The following GABPA variants were observed in gnomAD, a reference collection of about 807,000 sequenced individuals.
GABPA encodes the protein GA-binding protein alpha chain.
A neutral mutation model predicts 59.4 loss-of-function variants in GABPA; 4 were observed. The observed-to-expected ratio is 0.07, with a 90% CI of 0.03 to 0.15. The LOEUF (loss-of-function observed/expected upper bound fraction) is 0.15, where lower values mean the gene tolerates loss of function less well. Among genes scored for constraint, GABPA ranks in the 10% least tolerant of loss-of-function variants. The pLI, the probability that GABPA is intolerant of heterozygous loss-of-function variation, is 1.00. For synonymous variants in GABPA, 164 were observed against 183.1 expected, an observed-to-expected ratio of 0.90 and a Z score of 0.84; for missense variants, 251 against 543.8, an observed-to-expected ratio of 0.46 and a Z score of 5.36.
In GABPA at chr21:25,764,198, C is replaced by CTG; in HGVS notation, c.803-10_803-9dup. The CTG allele has an allele frequency of 1.3e-6, 2 of 1,529,618 alleles. No homozygotes were observed. The highest frequency in any genetic ancestry group is 1.8e-6 in the Non-Finnish European group (2 of 1,142,752). The allele number at this position is 1,529,618 out of a possible 1,614,324, so 94.8% of individuals were successfully genotyped here. A position where few individuals can be genotyped will look rare whatever the true frequency, so the allele number is the denominator to read the frequency against. On this transcript the variant is annotated splice_polypyrimidine_tract_variant and intron_variant, in intron 7 of 9. Coordinates refer to ENST00000400075, the MANE Select transcript of GABPA (RefSeq NM_002040.4). The stretch of plus-strand genomic sequence containing the variant: ...TGGAAGAAAAAAAATTTCTCCTTGT[C>CTG]TGTCTTTGCAGCTGTGCAAATTATT...
At chr21:25,752,753 C>T (rs13339991) in intron 5 of GABPA, among the ~76,000 whole-genome samples, 6,389 of 152,174 alleles carry the variant, frequency 0.042, 421 homozygotes, top group African/African-American at 0.14. Flanking sequence ...CATTACAGAA[C>T]TGTTTTTGAT....
intron 4 of GABPA, among the ~76,000 whole-genome samples, chr21:25,751,168 T>C (rs2035499952): frequency 6.6e-6 from 1 of 152,038 alleles, no homozygotes; most frequent in African/African-American, 2.4e-5. Flanking sequence ...AATAAAAGTA[T>C]ATCTTATAGA....
rs765587441 is a variant in GABPA at position 25,767,790 on chromosome 21, C to G, written c.1137-1214C>G. 5.3e-5 allele frequency among the ~76,000 whole-genome samples: 8 copies of G among 152,162 alleles called. No individual in the cohort carries two copies. In the South Asian group the frequency reaches 1.7e-3, roughly 32 times the overall value. On this transcript the variant is annotated intron_variant, in intron 9 of 9. Transcript: ENST00000400075. ...CATAAATGGAAACTACAAGACTGCCCAATGTGTTATATCTCTTACTGGGAA... is the reference window on the plus strand; with the variant it reads ...CATAAATGGAAACTACAAGACTGCCGAATGTGTTATATCTCTTACTGGGAA...
chr21:25,756,258 G>T (rs2035634114), intron 5 of GABPA, among the ~76,000 whole-genome samples: 1 of 152,212 alleles, frequency 6.6e-6, no homozygotes, highest in Admixed American at 6.5e-5. Context: ...GTGTGTTTCA[G>T]GATAGCTTTT....
chr21:25,736,019 C>T (rs935243119), intron 1 of GABPA, among the ~76,000 whole-genome samples: 4 of 152,118 alleles, frequency 2.6e-5, no homozygotes, highest in Admixed American at 1.3e-4. Flanking sequence ...CATTTCAAAT[C>T]CGCTCTCTTT....
intron 3 of GABPA, among the ~76,000 whole-genome samples, chr21:25,748,048 AG>A (rs1437790863): frequency 3.9e-5 from 6 of 152,150 alleles, no homozygotes; most frequent in Non-Finnish European, 5.9e-5. Context: ...CTGGGATTAC[AG>A]GCATGCGCCA....
chr21:25,754,048 C>T (rs2035576770), intron 5 of GABPA, among the ~76,000 whole-genome samples: 1 of 152,162 alleles, frequency 6.6e-6, no homozygotes, highest in Non-Finnish European at 1.5e-5. Context: ...CTGCCCAGTA[C>T]TGTAGCCACT....
rs533110091 is a variant in GABPA at position 25,770,483 on chromosome 21, C to T, written c.*1251C>T. 6.6e-6 allele frequency: 1 copy of T among 151,834 alleles called. No individual in the cohort carries two copies. Among genetic ancestry groups the T allele is most frequent in the Non-Finnish European group, 1.5e-5 (1 of 67,858 alleles). 9.4% of individuals were successfully genotyped at this position (151,834 alleles called of 1,614,324 possible). A position where few individuals can be genotyped will look rare whatever the true frequency, so the allele number is the denominator to read the frequency against. On this transcript the variant is annotated 3_prime_UTR_variant, in exon 10 of 10. Transcript: ENST00000400075. ...ACTAAACAAAAATGGCTAGAAATGT[C>T]TTTTTCTTTCTTTTCTCTCTTTGTT...
At chr21:25,752,359 A>G (rs1326985021) in intron 5 of GABPA, 125 bp downstream of exon 5, 2 of 1,009,018 alleles carry the variant, frequency 2.0e-6, no homozygotes, top group Non-Finnish European at 2.9e-6. Context: ...GATTTTCTGT[A>G]TCTCTCTTTT....
At chr21:25,762,402 A>G (rs2035786130) in intron 7 of GABPA, 37 bp downstream of exon 7, 4 of 1,414,846 alleles carry the variant, frequency 2.8e-6, no homozygotes, top group Middle Eastern at 1.9e-4. Flanking sequence ...TTTTATTAAT[A>G]AGAAATGTTT....
intron 7 of GABPA, 88 bp downstream of exon 7, chr21:25,762,453 A>C (rs2035787264): frequency 1.0e-6 from 1 of 1,001,858 alleles, no homozygotes; most frequent in Non-Finnish European, 1.5e-6. Flanking sequence ...ATTATTTAAA[A>C]AAATTTTTTT....
Position 25,735,791 on chromosome 21 carries a change from C to T in GABPA, c.-27+213C>T, listed in dbSNP as rs974650209. ...CTGTGCGGGGAGCGAAGGGGAGGGG[C>T]GGGGGGCGAGCGGCCTGGAGCCCGG... On this transcript the variant is annotated intron_variant, in intron 1 of 9. Coordinates refer to ENST00000400075, the MANE Select transcript of GABPA (RefSeq NM_002040.4). The T allele has an allele frequency of 1.3e-4, 3 of 23,364 alleles. No homozygotes were observed. In the Admixed American group the frequency reaches 1.7e-3, roughly 13 times the overall value. The allele number at this position is 23,364 out of a possible 1,614,324, so 1.4% of individuals were successfully genotyped here. A position where few individuals can be genotyped will look rare whatever the true frequency, so the allele number is the denominator to read the frequency against.
rs1166062947 is a variant in GABPA at position 25,758,137 on chromosome 21, A to G, written c.681A>G (p.Gln227=). 1 of 1,610,986 alleles carries G rather than the reference A, an allele frequency of 6.2e-7. No individual in the cohort carries two copies. The highest frequency in any genetic ancestry group is 8.5e-7 in the Non-Finnish European group (1 of 1,178,824). The change falls in exon 6 of 10, where the codon CAA becomes CAG. Residue 227 remains glutamine (Q), a synonymous_variant. Coordinates refer to ENST00000400075, the MANE Select transcript of GABPA (RefSeq NM_002040.4). ...ISGRELCSLN[Q]EDFFQRVPRG... The stretch of plus-strand genomic sequence containing the variant: ...GGAGAGAATTATGTAGTCTCAACCA[A>G]GAAGATTTTTTTCAGCGGGTTCCTC...
intron 3 of GABPA, among the ~76,000 whole-genome samples, chr21:25,748,498 A>G (rs919576940): frequency 6.6e-6 from 1 of 152,342 alleles, no homozygotes; most frequent in Middle Eastern, 3.4e-3. Context: ...CTGAAATGAT[A>G]TAGAATTAGG....
intron 7 of GABPA, chr21:25,763,131 C>T: frequency 2.1e-6 from 1 of 485,020 alleles, no homozygotes; most frequent in Non-Finnish European, 4.0e-6. Flanking sequence ...TCATCTTTTC[C>T]ATCTTTTACC....
intron 3 of GABPA, among the ~76,000 whole-genome samples, chr21:25,748,710 G>A (rs924553802): frequency 5.3e-5 from 8 of 152,094 alleles, no homozygotes; most frequent in African/African-American, 1.7e-4. Context: ...GACAGATATA[G>A]CATTACCTTC....
chr21:25,755,403 T>C (rs1156305421), intron 5 of GABPA, among the ~76,000 whole-genome samples: 4 of 128,804 alleles, frequency 3.1e-5, no homozygotes, highest in Admixed American at 2.8e-4. Context: ...ACCACTATAC[T>C]CCAGCCTGGG....
chr21:25,758,306 TAAGC>T (rs1568949405), intron 6 of GABPA, 102 bp downstream of exon 6: 3 of 780,610 alleles, frequency 3.8e-6, no homozygotes, highest in South Asian at 2.0e-5. Context: ...TGATAAGTAA[TAAGC>T]AATAATAATT....
chr21:25,742,766 A>G (rs938912667), intron 2 of GABPA, among the ~76,000 whole-genome samples: 76 of 151,772 alleles, frequency 5.0e-4, no homozygotes, highest in African/African-American at 1.8e-3. Context: ...ATACAAAAAA[A>G]AAAAAAAATA....
Sources: gnomAD v4.1 joint callset for allele counts (sites outside exome capture counted in the v4.1 genomes callset) on GRCh38, gnomAD v4.1.1 for gene constraint, MANE v1.5 for transcripts, NCBI Gene and HGNC (gene_info 2026-07-23, HGNC 2026-07-21) for gene names.